Variants in RMI1 observed in about 807,000 individuals in gnomAD.
RMI1 encodes the protein recQ-mediated genome instability protein 1.
Under a neutral mutation model 46.7 loss-of-function variants are expected in RMI1, and 36 were observed. The observed-to-expected ratio is 0.77, with a 90% CI of 0.59 to 1.02. The LOEUF is 1.02. Ranked by LOEUF, RMI1 falls within the 50% of genes least tolerant of loss-of-function variation. RMI1 has a pLI of 0.00. For missense variants in RMI1, 676 were observed against 713.7 expected (o/e 0.95, Z 0.60); for synonymous variants, 250 against 252.9 (o/e 0.99, Z 0.11).
chr9:83,997,440 G>C (rs1321388627), intron 1 of RMI1, among the ~76,000 whole-genome samples: 1 of 150,320 alleles, frequency 6.7e-6, no homozygotes, highest in Non-Finnish European at 1.5e-5. Flanking sequence ...AAAAAAAAAA[G>C]AAAGAAATTA....
intron 1 of RMI1, among the ~76,000 whole-genome samples, chr9:83,982,207 T>C (rs1361738777): frequency 6.6e-6 from 1 of 152,108 alleles, no homozygotes; most frequent in African/African-American, 2.4e-5. Flanking sequence ...TTTAATTGAG[T>C]TTGTCATTTA....
intron 1 of RMI1, among the ~76,000 whole-genome samples, chr9:83,991,796 T>G (rs1198031610): frequency 6.6e-6 from 1 of 152,230 alleles, no homozygotes; most frequent in Non-Finnish European, 1.5e-5. Flanking sequence ...ATTGATCATA[T>G]ATATGTGTGT....
intron 2 of RMI1, 88 bp downstream of exon 2, chr9:83,999,885 T>C (rs1402241518): frequency 2.6e-5 from 4 of 152,228 alleles, no homozygotes; most frequent in Non-Finnish European, 5.9e-5. Flanking sequence ...TATACTTTTG[T>C]GAACACATGA....
At chr9:83,984,827 T>G (rs1378631787) in intron 1 of RMI1, among the ~76,000 whole-genome samples, 1 of 152,230 alleles carries the variant, frequency 6.6e-6, no homozygotes, top group Non-Finnish European at 1.5e-5. Context: ...CCTCCCAAAG[T>G]GCTGGAATTA....
chr9:83,982,824 A>C (rs1957439354), intron 1 of RMI1, among the ~76,000 whole-genome samples: 1 of 151,766 alleles, frequency 6.6e-6, no homozygotes, highest in Non-Finnish European at 1.5e-5. Flanking sequence ...CGTCTTTTTA[A>C]TTTTTAGGTT....
chr9:83,986,793 C>T (rs940299884), intron 1 of RMI1, among the ~76,000 whole-genome samples: 2 of 152,132 alleles, frequency 1.3e-5, no homozygotes, highest in Non-Finnish European at 1.5e-5. Flanking sequence ...TATTTTCTGT[C>T]CAGCCTTGAC....
intron 1 of RMI1, among the ~76,000 whole-genome samples, chr9:83,981,808 C>T (rs1284548083): frequency 6.6e-6 from 1 of 152,132 alleles, no homozygotes; most frequent in Non-Finnish European, 1.5e-5. Flanking sequence ...AACATATATA[C>T]CAGCATTCTT....
At chr9:83,995,668 T>C (rs1339533234) in intron 1 of RMI1, among the ~76,000 whole-genome samples, 1 of 152,176 alleles carries the variant, frequency 6.6e-6, no homozygotes, top group East Asian at 1.9e-4. Flanking sequence ...CCTCAGGTGA[T>C]CCACCCACCT....
chr9:84,001,450 C>A lies in RMI1; in HGVS notation c.464C>A (p.Pro155Gln), dbSNP rs186831638. 1 of 1,613,872 alleles carries A rather than the reference C, an allele frequency of 6.2e-7. No homozygotes were observed. Among genetic ancestry groups the A allele is most frequent in the Non-Finnish European group, 8.5e-7 (1 of 1,179,986 alleles). ...QIQGMEYQPIPILHSDLPPGT... is the reference protein window; with the variant it reads ...QIQGMEYQPIQILHSDLPPGT... The stretch of plus-strand genomic sequence containing the variant: ...CAGGGAATGGAATATCAGCCTATTC[C>A]AATTCTTCATAGTGATCTTCCTCCA... The change falls in exon 3 of 3, where the codon CCA becomes CAA. Residue 155 changes from proline to glutamine, a missense_variant. Coordinates refer to ENST00000445877, the MANE Select transcript of RMI1 (RefSeq NM_001358291.2).
chr9:84,001,377 C>A lies in RMI1; in HGVS notation c.391C>A (p.Pro131Thr). 3.1e-6 allele frequency: 5 copies of A among 1,614,102 alleles called. No individual in the cohort carries two copies. Among genetic ancestry groups the A allele is most frequent in the Non-Finnish European group, 4.2e-6 (5 of 1,179,992 alleles). Residue 131 changes from proline to threonine, a missense_variant, in exon 3 of 3, where the codon CCT (proline) becomes ACT (threonine). Physicochemically the swap from Pro to Thr is conservative, Grantham distance 38 (BLOSUM62 -1). Coordinates refer to ENST00000445877, the MANE Select transcript of RMI1 (RefSeq NM_001358291.2). ...QVTPKPWEAK[P>T]SRMLMLQLTD... ...AACCCCAAAACCTTGGGAAGCAAAG[C>A]CTTCACGAATGTTGATGCTGCAGCT...
rs1203834309 is a variant in RMI1 at position 83,993,421 on chromosome 9, C to T, written c.-125-6288C>T. On this transcript the variant is annotated intron_variant, in intron 1 of 2. Coordinates refer to ENST00000445877, the MANE Select transcript of RMI1 (RefSeq NM_001358291.2). Reference sequence around the variant, plus strand: ...GTGGACATTTCGATTGTTTCTGTATCGTTAATGTGAGCAATGCTGCAACAA... The same window carrying T: ...GTGGACATTTCGATTGTTTCTGTATTGTTAATGTGAGCAATGCTGCAACAA... 3.3e-5 allele frequency among the ~76,000 whole-genome samples: 5 copies of T among 152,206 alleles called. No homozygotes were observed. The East Asian group carries it at 7.7e-4, about 24-fold the overall frequency.
At chr9:83,990,972 T>A (rs1235391864) in intron 1 of RMI1, among the ~76,000 whole-genome samples, 1 of 151,968 alleles carries the variant, frequency 6.6e-6, no homozygotes, top group Non-Finnish European at 1.5e-5. Context: ...CATGCCCAAC[T>A]GATTTTGTAT....
intron 1 of RMI1, among the ~76,000 whole-genome samples, chr9:83,997,341 C>A (rs1478041296): frequency 2.6e-5 from 4 of 151,728 alleles, no homozygotes; most frequent in Admixed American, 2.6e-4. Context: ...GAACTCTCGA[C>A]CTCAGGTGAT....
rs1957735856 is a variant in RMI1 at position 84,001,478 on chromosome 9, T to TA, written c.493dup (p.Thr165AsnfsTer29). Reference sequence around the variant, plus strand: ...TTCTTCATAGTGATCTTCCTCCAGGTACAAAAATTTTGATTTATGGAAATA... The same window carrying TA: ...TTCTTCATAGTGATCTTCCTCCAGGTAACAAAAATTTTGATTTATGGAAATA... On this transcript the variant is annotated frameshift_variant, in exon 3 of 3. Coordinates refer to ENST00000445877, the MANE Select transcript of RMI1 (RefSeq NM_001358291.2). LOFTEE classifies it high-confidence loss of function. 1 of 1,614,056 alleles carries TA rather than the reference T, an allele frequency of 6.2e-7. No homozygotes were observed. The highest frequency in any genetic ancestry group is 1.7e-5 in the Admixed American group (1 of 59,996).
chr9:83,995,588 C>T (rs1366457896), intron 1 of RMI1, among the ~76,000 whole-genome samples: 11 of 151,994 alleles, frequency 7.2e-5, no homozygotes, highest in African/African-American at 1.7e-4. Flanking sequence ...CCACCACGCC[C>T]GGCTAATTTT....
intron 1 of RMI1, among the ~76,000 whole-genome samples, chr9:83,987,864 C>T (rs767647148): frequency 3.3e-5 from 5 of 151,604 alleles, no homozygotes; most frequent in East Asian, 1.9e-4. Context: ...TTTGTTTATC[C>T]GTTCACCAAA....
intron 1 of RMI1, among the ~76,000 whole-genome samples, chr9:83,981,604 C>G (rs781675465): frequency 1.3e-5 from 2 of 152,168 alleles, no homozygotes; most frequent in Non-Finnish European, 2.9e-5. Context: ...TGGTAGTACC[C>G]GCTTTCCACA....
At chr9:84,000,785 T>A (rs1488878654) in intron 2 of RMI1, among the ~76,000 whole-genome samples, 166 bp from the exon 3 acceptor site, 2 of 152,166 alleles carry the variant, frequency 1.3e-5, no homozygotes, top group Non-Finnish European at 2.9e-5. Context: ...ACCTTTTGAT[T>A]TTCTCATTTT....
chr9:83,984,664 C>T (rs761555341), intron 1 of RMI1, among the ~76,000 whole-genome samples: 1 of 152,048 alleles, frequency 6.6e-6, no homozygotes, highest in African/African-American at 2.4e-5. Flanking sequence ...TTGGTTCAAA[C>T]GATTCTTCTG....
Sources: gnomAD v4.1 joint callset for allele counts (sites outside exome capture counted in the v4.1 genomes callset) on GRCh38, gnomAD v4.1.1 for gene constraint, MANE v1.5 for transcripts, NCBI Gene and HGNC (gene_info 2026-07-23, HGNC 2026-07-21) for gene names.